PGAP1: variants seen among roughly 807,000 people sequenced by gnomAD.
The protein encoded by PGAP1 is post-GPI attachment to proteins inositol deacylase 1.
A neutral mutation model predicts 127.0 loss-of-function variants in PGAP1; 76 were observed. The observed-to-expected ratio is 0.60, with a 90% CI of 0.50 to 0.72. PGAP1 has a LOEUF of 0.72. Among genes scored for constraint, PGAP1 ranks in the 30% least tolerant of loss-of-function variants. PGAP1 has a pLI of 0.00. For missense variants in PGAP1, 982 were observed against 1,071.3 expected (o/e 0.92, Z 1.16); for synonymous variants, 362 against 366.5 (o/e 0.99, Z 0.14).
At chr2:196,902,766 A>G in intron 4 of PGAP1, 24 bp from the exon 5 acceptor site, 1 of 1,560,858 alleles carries the variant, frequency 6.4e-7, no homozygotes, top group Non-Finnish European at 8.8e-7. Context: ...AAAAAGAGAC[A>G]TTAAAAAACA....
intron 19 of PGAP1, among the ~76,000 whole-genome samples, chr2:196,868,681 C>A (rs1440250465): frequency 1.3e-5 from 2 of 152,134 alleles, no homozygotes; most frequent in Non-Finnish European, 1.5e-5. Flanking sequence ...GCTTTGCCCT[C>A]TTTTTCGTAA....
At chr2:196,882,786 T>C (rs1018080943) in intron 12 of PGAP1, among the ~76,000 whole-genome samples, 8 of 152,214 alleles carry the variant, frequency 5.3e-5, no homozygotes, top group African/African-American at 1.7e-4. Flanking sequence ...TATAGGATCA[T>C]GTCATTTGCA....
intron 13 of PGAP1, among the ~76,000 whole-genome samples, chr2:196,877,089 T>C (rs1169023516): frequency 2.0e-5 from 3 of 152,220 alleles, no homozygotes; most frequent in South Asian, 2.1e-4. Flanking sequence ...ATTTTTATTA[T>C]TGCTTTAAAA....
At chr2:196,872,077 T>C (rs972011428) in intron 18 of PGAP1, among the ~76,000 whole-genome samples, 3 of 152,200 alleles carry the variant, frequency 2.0e-5, no homozygotes, top group South Asian at 2.1e-4. Flanking sequence ...AGTAGAGCTA[T>C]ACACCATTAA....
In PGAP1 at chr2:196,841,024, G is replaced by C; in HGVS notation, c.*210C>G. 2.0e-6 allele frequency: 1 copy of C among 509,100 alleles called. No individual in the cohort carries two copies. Among genetic ancestry groups the C allele is most frequent in the Non-Finnish European group, 3.4e-6 (1 of 295,104 alleles). The allele number at this position is 509,100 out of a possible 1,614,324, so 31.5% of individuals were successfully genotyped here. ...ATCCCTTCATGAATTTTTCAAAAAT[G>C]ATTACTACATGGATTCCACACCACA... On this transcript the variant is annotated 3_prime_UTR_variant, in exon 27 of 27. Transcript: ENST00000354764.
chr2:196,856,498 C>A (rs1482740762), intron 20 of PGAP1, among the ~76,000 whole-genome samples: 1 of 152,186 alleles, frequency 6.6e-6, no homozygotes, highest in Non-Finnish European at 1.5e-5. Flanking sequence ...CTAGATTCTT[C>A]CAATCCAACT....
rs538811176 is a variant in PGAP1 at position 196,896,503 on chromosome 2, C to A, written c.927+628G>T. 4.6e-5 allele frequency among the ~76,000 whole-genome samples: 7 copies of A among 151,544 alleles called. No homozygotes were observed. In the South Asian group the frequency reaches 1.3e-3, roughly 27 times the overall value. On this transcript the variant is annotated intron_variant, in intron 7 of 26. Transcript: ENST00000354764. ...AGATCATGATGTTTACAATGTATTA[C>A]AAAAAAAATTATAAAATAGTTTGTA...
In PGAP1 at chr2:196,836,733, A is replaced by C. The variant is rs1700246972; in HGVS notation, c.*4501T>G. The C allele has an allele frequency of 1.3e-5, 2 of 152,220 alleles. No individual in the cohort carries two copies. The allele number at this position is 152,220 out of a possible 1,614,324, so 9.4% of individuals were successfully genotyped here. On this transcript the variant is annotated 3_prime_UTR_variant, in exon 27 of 27. Transcript: ENST00000354764. Reference sequence around the variant, plus strand: ...TAAAATTTTGGCTCCTAATCAACTTACTATGCTGTAAAAGTCCCTTCTACA... The same window carrying C: ...TAAAATTTTGGCTCCTAATCAACTTCCTATGCTGTAAAAGTCCCTTCTACA...
intron 20 of PGAP1, among the ~76,000 whole-genome samples, chr2:196,858,949 A>G (rs577770864): frequency 8.5e-5 from 13 of 152,258 alleles, no homozygotes; most frequent in African/African-American, 3.1e-4. Context: ...TTGAAAATCT[A>G]GAAGAGACGG....
intron 7 of PGAP1, among the ~76,000 whole-genome samples, chr2:196,894,733 C>T (rs1253836697): frequency 6.6e-6 from 1 of 152,048 alleles, no homozygotes; most frequent in South Asian, 2.1e-4. Flanking sequence ...ACCCGGGAGG[C>T]GGAGCTTGCA....
chr2:196,897,522 T>C (rs1233096621), intron 6 of PGAP1, among the ~76,000 whole-genome samples: 2 of 152,196 alleles, frequency 1.3e-5, no homozygotes, highest in African/African-American at 2.4e-5. Flanking sequence ...CAGATACTAC[T>C]GCTCGCACAG....
rs1702163196 is a variant in PGAP1 at position 196,893,259 on chromosome 2, T to C, written c.928-14A>G. 3.8e-6 allele frequency: 5 copies of C among 1,330,596 alleles called. No individual in the cohort carries two copies. Among genetic ancestry groups the C allele is most frequent in the Non-Finnish European group, 5.4e-6 (5 of 927,282 alleles). 82.4% of individuals were successfully genotyped at this position (1,330,596 alleles called of 1,614,324 possible). On this transcript the variant is annotated splice_polypyrimidine_tract_variant and intron_variant, in intron 7 of 26. Coordinates refer to ENST00000354764, the MANE Select transcript of PGAP1 (RefSeq NM_024989.4). Reference sequence around the variant, plus strand: ...ATTTTGAGTTATCTAGAAAGAACATTGATACATTCTGTATCATTTTGTATC... The same window carrying C: ...ATTTTGAGTTATCTAGAAAGAACATCGATACATTCTGTATCATTTTGTATC...
chr2:196,874,978 T>TG (rs1701520691), intron 14 of PGAP1, among the ~76,000 whole-genome samples: 1 of 152,188 alleles, frequency 6.6e-6, no homozygotes, highest in South Asian at 2.1e-4. Flanking sequence ...ATCATGCCAC[T>TG]GTACTCCAGC....
At position 196,893,133 on chromosome 2, in the gene PGAP1, C is replaced by A; in HGVS notation, c.1033+7G>T. 1 of 1,513,380 alleles carries A rather than the reference C, an allele frequency of 6.6e-7. No homozygotes were observed. Among genetic ancestry groups the A allele is most frequent in the South Asian group, 1.2e-5 (1 of 86,680 alleles). 93.7% of individuals were successfully genotyped at this position (1,513,380 alleles called of 1,614,324 possible). A position where few individuals can be genotyped will look rare whatever the true frequency, so the allele number is the denominator to read the frequency against. Reference sequence around the variant, plus strand: ...ATTTAAAATTAAAATATGTTATTGTCACCAACCTGTTAAGTCAGAAATTAT... The same window carrying A: ...ATTTAAAATTAAAATATGTTATTGTAACCAACCTGTTAAGTCAGAAATTAT... On this transcript the variant is annotated splice_region_variant and intron_variant, in intron 8 of 26. Coordinates refer to ENST00000354764, the MANE Select transcript of PGAP1 (RefSeq NM_024989.4).
intron 4 of PGAP1, among the ~76,000 whole-genome samples, chr2:196,907,367 G>T (rs764677008): frequency 2.1e-3 from 1 of 482 alleles, no homozygotes; most frequent in Non-Finnish European, 5.3e-3. Context: ...CATAAGTGAA[G>T]GAGAAATAAA....
rs1484939132 is a variant in PGAP1 at position 196,842,832 on chromosome 2, T to C, written c.2526-7A>G. On this transcript the variant is annotated splice_region_variant and splice_polypyrimidine_tract_variant and intron_variant, in intron 25 of 26. Coordinates refer to ENST00000354764, the MANE Select transcript of PGAP1 (RefSeq NM_024989.4). ...ATTAAGTTTAAAATAATACCTATAA[T>C]ATTAAAAAAAGAAACCCACAAATCA... The C allele has an allele frequency of 4.4e-6, 6 of 1,366,314 alleles. No individual in the cohort carries two copies. The East Asian group carries it at 1.4e-4, about 32-fold the overall frequency. The allele number at this position is 1,366,314 out of a possible 1,614,324, so 84.6% of individuals were successfully genotyped here. A position where few individuals can be genotyped will look rare whatever the true frequency, so the allele number is the denominator to read the frequency against.
In PGAP1 at chr2:196,834,831, T is replaced by A. The variant is rs895132419; in HGVS notation, c.*6403A>T. On this transcript the variant is annotated 3_prime_UTR_variant, in exon 27 of 27. Coordinates refer to ENST00000354764, the MANE Select transcript of PGAP1 (RefSeq NM_024989.4). ...ATTCAACACAAAAGATGAACTCATT[T>A]CAAAGAACAATGTAAACTGAACTTA... 4.6e-5 allele frequency: 7 copies of A among 151,988 alleles called. No homozygotes were observed. Among genetic ancestry groups the A allele is most frequent in the Non-Finnish European group, 8.8e-5 (6 of 67,882 alleles). The allele number at this position is 151,988 out of a possible 1,614,324, so 9.4% of individuals were successfully genotyped here.
intron 1 of PGAP1, among the ~76,000 whole-genome samples, chr2:196,920,793 T>A (rs1214471423): frequency 6.6e-6 from 1 of 152,126 alleles, no homozygotes; most frequent in Non-Finnish European, 1.5e-5. Context: ...TCAGTTTTCA[T>A]GGGCCAGGTG....
intron 13 of PGAP1, among the ~76,000 whole-genome samples, chr2:196,876,283 G>T (rs925489632): frequency 1.3e-5 from 2 of 152,044 alleles, no homozygotes; most frequent in African/African-American, 4.8e-5. Context: ...AGTCTAATTA[G>T]ACTATAAAAG....
Sources: allele counts gnomAD v4.1 joint callset (sites outside exome capture counted in the v4.1 genomes callset), GRCh38; gene constraint gnomAD v4.1.1; transcripts MANE v1.5; gene names NCBI Gene and HGNC (gene_info 2026-07-23, HGNC 2026-07-21).